NT5DC3: variants seen among roughly 807,000 people sequenced by gnomAD.
NT5DC3 encodes 5'-nucleotidase domain containing 3, also known as 5'-nucleotidase domain-containing protein 3.
NT5DC3 carries 42 observed loss-of-function variants against 67.8 expected under a neutral mutation model. The ratio of observed to expected loss-of-function variants is 0.62; its 90% CI spans 0.48 to 0.80. NT5DC3 has a LOEUF of 0.80. Among genes scored for constraint, NT5DC3 ranks in the 30% least tolerant of loss-of-function variants. NT5DC3 has a pLI of 0.00. For missense variants in NT5DC3, 570 were observed against 696.4 expected, an observed-to-expected ratio of 0.82 and a Z score of 2.04; for synonymous variants, 237 against 255.6, an observed-to-expected ratio of 0.93 and a Z score of 0.69.
chr12:103,787,083 C>T (rs1319158364), intron 11 of NT5DC3, among the ~76,000 whole-genome samples: 1 of 152,048 alleles, frequency 6.6e-6, no homozygotes, highest in Admixed American at 6.6e-5. Context: ...CGGTGGCAAA[C>T]TTTCAAAGGT....
the NT5DC3 span, chr12:103,761,349 T>C: frequency 6.2e-7 from 1 of 1,614,102 alleles, no homozygotes; most frequent in Admixed American, 1.7e-5. Context: ...TGGGACATCT[T>C]TGCCTCCAAT....
intron 4 of NT5DC3, among the ~76,000 whole-genome samples, chr12:103,805,538 T>C (rs1886761135): frequency 6.6e-6 from 1 of 151,812 alleles, no homozygotes; most frequent in African/African-American, 2.4e-5. Flanking sequence ...AAAGGCCAAG[T>C]TCTCCATTTT....
the NT5DC3 span, among the ~76,000 whole-genome samples, chr12:103,762,557 C>T: frequency 3.9e-5 from 6 of 152,224 alleles, no homozygotes; most frequent in Admixed American, 3.3e-4. Flanking sequence ...ACGCTTACTG[C>T]TGCTTGGATG....
the NT5DC3 span, among the ~76,000 whole-genome samples, chr12:103,747,724 A>G: frequency 6.6e-6 from 1 of 152,188 alleles, no homozygotes; most frequent in Non-Finnish European, 1.5e-5. Flanking sequence ...GCTGGGAGCA[A>G]TGGCTCACAC....
rs190742147 is a variant in NT5DC3 at position 103,838,620 on chromosome 12, G to A, written c.208+2329C>T. 1.8e-3 allele frequency among the ~76,000 whole-genome samples: 276 copies of A among 152,298 alleles called. 2 individuals are homozygous for A. Among genetic ancestry groups the A allele is most frequent in the Middle Eastern group, 3.4e-3 (1 of 294 alleles). ...AAAATGTATGTTCACACAAAAACCT[G>A]TACACAAATGTCTACAACATCTTTA... On this transcript the variant is annotated intron_variant, in intron 1 of 13. Transcript: ENST00000392876.
chr12:103,755,414 G>T, the NT5DC3 span: 1 of 1,614,116 alleles, frequency 6.2e-7, no homozygotes, highest in African/African-American at 1.3e-5. Flanking sequence ...GTGGACTATG[G>T]ACCTAGACCC....
intron 10 of NT5DC3, 87 bp from the exon 11 acceptor site, chr12:103,787,614 G>T: frequency 5.8e-6 from 3 of 520,070 alleles, no homozygotes; most frequent in South Asian, 9.5e-5. Context: ...TTTAAAAATT[G>T]TTGTTTTTAT....
At chr12:103,836,768 T>G (rs529480901) in intron 1 of NT5DC3, among the ~76,000 whole-genome samples, 1 of 152,310 alleles carries the variant, frequency 6.6e-6, no homozygotes, top group Admixed American at 6.5e-5. Flanking sequence ...GTTCCCATGC[T>G]CTTGGGCCGC....
the NT5DC3 span, chr12:103,746,483 A>T: frequency 1.1e-6 from 1 of 898,478 alleles, no homozygotes; most frequent in South Asian, 1.4e-5. Context: ...CCTGCTGTAC[A>T]GGGGCACTTA....
chr12:103,787,442 G>A lies in NT5DC3; in HGVS notation c.1187C>T (p.Ala396Val), dbSNP rs758485823. 1.9e-6 allele frequency: 3 copies of A among 1,547,412 alleles called. No homozygotes were observed. Among genetic ancestry groups the A allele is most frequent in the African/African-American group, 1.4e-5 (1 of 73,340 alleles). The change falls in exon 11 of 14, where the codon GCG becomes GTG. Residue 396 changes from alanine (A) to valine (V), a missense_variant and splice_region_variant. This residue lies in a region of NT5DC3 where 466 missense variants were observed against 608.0 expected (regional missense o/e 0.77). Coordinates refer to ENST00000392876, the MANE Select transcript of NT5DC3 (RefSeq NM_001031701.3). Reference protein sequence around the residue: ...YFGDHIYSDLADLTLKHGWRT... With the variant: ...YFGDHIYSDLVDLTLKHGWRT... ...ACAAAGGAAAAAAGGGCCCCTCACC[G>A]CCAGGTCACTGTATATATGGTCACC...
At chr12:103,772,088 T>G (rs1885198024), downstream of NT5DC3, among the ~76,000 whole-genome samples, 2 of 152,144 alleles carry the variant, frequency 1.3e-5, no homozygotes, top group African/African-American at 4.8e-5. Context: ...AGAAGAAACC[T>G]TTGAGCTTTC....
chr12:103,795,493 G>A (rs1886270853), intron 6 of NT5DC3, among the ~76,000 whole-genome samples: 1 of 152,074 alleles, frequency 6.6e-6, no homozygotes, highest in Non-Finnish European at 1.5e-5. Flanking sequence ...ACACAAAAAA[G>A]AGAACAGAAA....
At chr12:103,808,204 C>T (rs1315716631) in intron 2 of NT5DC3, among the ~76,000 whole-genome samples, 2 of 152,192 alleles carry the variant, frequency 1.3e-5, no homozygotes, top group South Asian at 2.1e-4. Flanking sequence ...GCCCTACCAT[C>T]CCCATTTTAT....
At chr12:103,823,996 C>T (rs1887591127) in intron 1 of NT5DC3, among the ~76,000 whole-genome samples, 1 of 152,208 alleles carries the variant, frequency 6.6e-6, no homozygotes, top group African/African-American at 2.4e-5. Context: ...GTCAGTTCTG[C>T]TATTAATGGT....
intron 13 of NT5DC3, 82 bp from the exon 14 acceptor site, chr12:103,778,163 C>A: frequency 7.9e-7 from 1 of 1,273,206 alleles, no homozygotes; most frequent in Non-Finnish European, 1.1e-6. Flanking sequence ...AAAATCACTT[C>A]TTTTTTTAAA....
the NT5DC3 span, among the ~76,000 whole-genome samples, chr12:103,753,815 C>T: frequency 3.3e-5 from 5 of 152,146 alleles, no homozygotes; most frequent in Admixed American, 1.3e-4. Flanking sequence ...GCAATACCCA[C>T]GAGCCTAGGG....
chr12:103,840,622 A>G (rs1204128536), intron 1 of NT5DC3, among the ~76,000 whole-genome samples: 1 of 152,130 alleles, frequency 6.6e-6, no homozygotes, highest in Non-Finnish European at 1.5e-5. Flanking sequence ...CCGGCTCCCA[A>G]GGGAGGCCTG....
chr12:103,753,804 A>G, the NT5DC3 span, among the ~76,000 whole-genome samples: 31,159 of 152,184 alleles, frequency 0.2, 3,563 homozygotes, highest in Non-Finnish European at 0.25. Context: ...CCAGAAAGAC[A>G]GCAATACCCA....
chr12:103,806,219 A>T, intron 4 of NT5DC3, 103 bp downstream of exon 4: 5 of 747,524 alleles, frequency 6.7e-6, no homozygotes, highest in Non-Finnish European at 1.2e-5. Context: ...AATGAATCAT[A>T]TTCACACTGC....
Sources: gnomAD v4.1 joint callset for allele counts (sites outside exome capture counted in the v4.1 genomes callset) on GRCh38, gnomAD v4.1.1 for gene constraint, gnomAD v4.1.1 regional missense constraint, MANE v1.5 for transcripts, NCBI Gene and HGNC (gene_info 2026-07-23, HGNC 2026-07-21) for gene names.